Variants in PID1 observed in about 807,000 individuals in gnomAD.
The protein encoded by PID1 is PTB-containing, cubilin and LRP1-interacting protein.
Under a neutral mutation model 19.1 loss-of-function variants are expected in PID1, and 10 were observed. The ratio of observed to expected loss-of-function variants is 0.52; its 90% CI spans 0.32 to 0.89. The LOEUF is 0.89. Among genes scored for constraint, PID1 ranks in the 40% least tolerant of loss-of-function variants. PID1 has a pLI of 0.03. For synonymous variants in PID1, 130 were observed against 116.0 expected (o/e 1.12, Z -0.78); for missense variants, 248 against 285.3 (o/e 0.87, Z 0.94).
At chr2:229,143,486 C>T (rs2106183199) in intron 2 of PID1, among the ~76,000 whole-genome samples, 1 of 152,208 alleles carries the variant, frequency 6.6e-6, no homozygotes, top group South Asian at 2.1e-4. Context: ...AAACAAGAGT[C>T]TCCAAATTAA....
At chr2:229,185,440 T>C (rs1018914168) in intron 1 of PID1, among the ~76,000 whole-genome samples, 2 of 152,154 alleles carry the variant, frequency 1.3e-5, no homozygotes, top group Admixed American at 6.5e-5. Context: ...TCTGTTTTCA[T>C]GCTGCTGATA....
chr2:229,219,070 G>A (rs1255838190), intron 1 of PID1, among the ~76,000 whole-genome samples: 1 of 152,048 alleles, frequency 6.6e-6, no homozygotes, highest in East Asian at 1.9e-4. Flanking sequence ...TTCAGTTGAT[G>A]GTACAGAAAA....
At chr2:229,212,186 T>C (rs567990935) in intron 1 of PID1, among the ~76,000 whole-genome samples, 14 of 152,222 alleles carry the variant, frequency 9.2e-5, no homozygotes, top group Non-Finnish European at 2.1e-4. Flanking sequence ...TTGAGGATTC[T>C]GCTTATTTTT....
At chr2:229,257,341 C>T (rs373160404) in intron 1 of PID1, among the ~76,000 whole-genome samples, 34 of 152,290 alleles carry the variant, frequency 2.2e-4, no homozygotes, top group Middle Eastern at 3.4e-3. Context: ...CTCTAGCCTA[C>T]CATTTCTCTC....
chr2:229,158,905 T>G, intron 1 of PID1, among the ~76,000 whole-genome samples: 1 of 147,672 alleles, frequency 6.8e-6, no homozygotes. Flanking sequence ...GCATAGAGAG[T>G]AGAAAGATGG....
chr2:229,226,468 A>G (rs553341472), intron 1 of PID1, among the ~76,000 whole-genome samples: 4 of 152,362 alleles, frequency 2.6e-5, no homozygotes, highest in East Asian at 1.9e-4. Flanking sequence ...ATATCTCCTG[A>G]CAAAACTTAG....
At chr2:229,062,827 G>A (rs12104851) in intron 2 of PID1, among the ~76,000 whole-genome samples, 11,873 of 151,854 alleles carry the variant, frequency 0.078, 749 homozygotes, top group Admixed American at 0.19. Flanking sequence ...TTGTCTGTTC[G>A]GATTTTCTTT....
chr2:229,188,232 A>G (rs907005149), intron 1 of PID1, among the ~76,000 whole-genome samples: 16 of 151,542 alleles, frequency 1.1e-4, no homozygotes, highest in Middle Eastern at 3.4e-3. Flanking sequence ...ACTGGCTTCC[A>G]TTCATTTCTT....
chr2:229,118,833 A>C (rs116455340), intron 2 of PID1, among the ~76,000 whole-genome samples: 2,425 of 152,324 alleles, frequency 0.016, 40 homozygotes, highest in Middle Eastern at 0.037. Context: ...ACAAGAGAAA[A>C]AAAACAAAAC....
Position 229,194,299 on chromosome 2 carries a change from T to A in PID1, c.31-38335A>T, listed in dbSNP as rs1389415948. Among the ~76,000 whole-genome samples, 8 of 152,168 alleles carry A rather than the reference T, an allele frequency of 5.3e-5. 1 individual carries two copies. In the South Asian group the frequency reaches 1.0e-3, roughly 20 times the overall value. ...ATTACTATCTCAATCCTTATGAATTTTAGGCAATTCTCTTTTAAAAAGAGA... is the reference window on the plus strand; with the variant it reads ...ATTACTATCTCAATCCTTATGAATTATAGGCAATTCTCTTTTAAAAAGAGA... On this transcript the variant is annotated intron_variant, in intron 1 of 2. Transcript: ENST00000392055.
intron 2 of PID1, among the ~76,000 whole-genome samples, chr2:229,110,842 C>T (rs1695282863): frequency 1.3e-5 from 2 of 152,130 alleles, no homozygotes; most frequent in Non-Finnish European, 2.9e-5. Context: ...GCTCTCCTCC[C>T]TGCTCACTCA....
chr2:229,064,758 A>G (rs6726384), intron 2 of PID1, among the ~76,000 whole-genome samples: 26,324 of 152,134 alleles, frequency 0.17, 4,603 homozygotes, highest in African/African-American at 0.44. Context: ...TGAGGAAGTC[A>G]TGGAACATGA....
rs1435360221 is a variant in PID1, at chr2:229,271,135, G to A, written c.-92C>T. 5 of 1,408,818 alleles carry A rather than the reference G, an allele frequency of 3.5e-6. No individual in the cohort carries two copies. The highest frequency in any genetic ancestry group is 4.3e-5 in the Admixed American group (2 of 47,008). 87.3% of individuals were successfully genotyped at this position (1,408,818 alleles called of 1,614,324 possible). A position where few individuals can be genotyped will look rare whatever the true frequency, so the allele number is the denominator to read the frequency against. ...GCTGGGGTCCCGCTTTACATCTGGG[G>A]TCGGTGTCCGCGGGATGTGCGTCCT... is the stretch of plus-strand genomic sequence containing the variant. On this transcript the variant is annotated 5_prime_UTR_variant, in exon 1 of 3. Transcript: ENST00000392055.
At chr2:229,054,446 A>T (rs904361938) in intron 2 of PID1, among the ~76,000 whole-genome samples, 2 of 152,176 alleles carry the variant, frequency 1.3e-5, no homozygotes, top group East Asian at 3.8e-4. Context: ...TATGATGGAA[A>T]GCCAAGGAAC....
At chr2:229,187,381 T>C (rs1691155252) in intron 1 of PID1, among the ~76,000 whole-genome samples, 1 of 152,204 alleles carries the variant, frequency 6.6e-6, no homozygotes, top group South Asian at 2.1e-4. Flanking sequence ...AGAGGTTTAA[T>C]TGGACTTACA....
At chr2:229,074,625 C>G (rs1266039406) in intron 2 of PID1, among the ~76,000 whole-genome samples, 1 of 152,060 alleles carries the variant, frequency 6.6e-6, no homozygotes, top group African/African-American at 2.4e-5. Context: ...TAAATAAATC[C>G]TAAGTGTTAA....
intron 2 of PID1, among the ~76,000 whole-genome samples, chr2:229,050,258 T>A (rs1193745660): frequency 6.6e-6 from 1 of 152,108 alleles, no homozygotes; most frequent in African/African-American, 2.4e-5. Context: ...TAGTTCCGCT[T>A]CTCTCTCACA....
intron 2 of PID1, among the ~76,000 whole-genome samples, chr2:229,038,825 T>C (rs1278335621): frequency 6.6e-6 from 1 of 152,192 alleles, no homozygotes; most frequent in Non-Finnish European, 1.5e-5. Flanking sequence ...TAGTCTAATC[T>C]TATTGTCAAC....
At chr2:229,195,718 T>C (rs114507940) in intron 1 of PID1, among the ~76,000 whole-genome samples, 2,222 of 152,128 alleles carry the variant, frequency 0.015, 63 homozygotes, top group African/African-American at 0.051. Flanking sequence ...AAAAAGTGTT[T>C]CATGGTTTAC....
Sources: gnomAD v4.1 joint callset for allele counts (sites outside exome capture counted in the v4.1 genomes callset) on GRCh38, gnomAD v4.1.1 for gene constraint, MANE v1.5 for transcripts, NCBI Gene and HGNC (gene_info 2026-07-23, HGNC 2026-07-21) for gene names.